GALNT1: variants seen among roughly 807,000 people sequenced by gnomAD.
GALNT1 encodes GalNAc transferase 1.
A neutral mutation model predicts 65.7 loss-of-function variants in GALNT1; 17 were observed. The ratio of observed to expected loss-of-function variants is 0.26; its 90% confidence interval spans 0.18 to 0.39. The LOEUF (loss-of-function observed/expected upper bound fraction) is 0.39. Among genes scored for constraint, GALNT1 ranks in the 10% least tolerant of loss-of-function variants. The pLI is 1.00. For missense variants in GALNT1, 460 were observed against 672.8 expected (o/e 0.68, Z 3.50); for synonymous variants, 210 against 219.7 (o/e 0.96, Z 0.39).
chr18:35,688,550 G>T (rs2047904758), intron 6 of GALNT1, among the ~76,000 whole-genome samples: 1 of 152,068 alleles, frequency 6.6e-6, no homozygotes, highest in South Asian at 2.1e-4. Context: ...CTATTTTGAT[G>T]AATTAGACTC....
At chr18:35,669,008 G>A (rs1044361969) in intron 3 of GALNT1, among the ~76,000 whole-genome samples, 3 of 152,220 alleles carry the variant, frequency 2.0e-5, no homozygotes, top group Admixed American at 2.0e-4. Flanking sequence ...ATGGGAGGCC[G>A]AGGTGGGCGG....
At chr18:35,640,352 C>A (rs1242763978) in intron 1 of GALNT1, among the ~76,000 whole-genome samples, 1 of 146,990 alleles carries the variant, frequency 6.8e-6, no homozygotes, top group African/African-American at 2.6e-5. Flanking sequence ...AATACCATTT[C>A]AGGTAGGAAA....
chr18:35,669,979 T>TA (rs1206075083), intron 3 of GALNT1, among the ~76,000 whole-genome samples: 1 of 152,124 alleles, frequency 6.6e-6, no homozygotes, highest in East Asian at 1.9e-4. Flanking sequence ...CCAAAAGAAT[T>TA]AGAGGATTAG....
At chr18:35,581,224 T>C (rs551264813), upstream of GALNT1, 70 of 151,874 alleles carry the variant, frequency 4.6e-4, no homozygotes, top group African/African-American at 1.7e-3. Flanking sequence ...CCGAGTTGTC[T>C]TTAACTTGCT....
intron 4 of GALNT1, among the ~76,000 whole-genome samples, chr18:35,678,824 A>C (rs944711572): frequency 6.6e-6 from 1 of 152,208 alleles, no homozygotes; most frequent in African/African-American, 2.4e-5. Context: ...GTCCACACTG[A>C]ATACATGCAT....
chr18:35,626,965 G>A (rs1476654869), intron 1 of GALNT1, among the ~76,000 whole-genome samples: 2 of 152,242 alleles, frequency 1.3e-5, no homozygotes, highest in African/African-American at 4.8e-5. Flanking sequence ...TTAGCTAGAG[G>A]AATAGAATGA....
chr18:35,597,232 C>T (rs2046516551), intron 1 of GALNT1: 1 of 152,064 alleles, frequency 6.6e-6, no homozygotes, highest in Admixed American at 6.5e-5. Context: ...CTGGATGTAC[C>T]AGGGGTGAGA....
chr18:35,619,582 G>A (rs2046826179), intron 1 of GALNT1, among the ~76,000 whole-genome samples: 1 of 152,150 alleles, frequency 6.6e-6, no homozygotes, highest in South Asian at 2.1e-4. Context: ...CATTTAGTCT[G>A]CAAATTGTTT....
chr18:35,666,950 A>G (rs2047557897), intron 3 of GALNT1, among the ~76,000 whole-genome samples: 1 of 152,204 alleles, frequency 6.6e-6, no homozygotes, highest in Non-Finnish European at 1.5e-5. Context: ...TTTTTAAAAA[A>G]AAAAAGTTTT....
At chr18:35,702,713 T>A in intron 9 of GALNT1, 184 bp from the exon 10 acceptor site, 1 of 383,410 alleles carries the variant, frequency 2.6e-6, no homozygotes, top group Non-Finnish European at 4.7e-6. Context: ...GAAAATTACA[T>A]AAACAGTTGT....
chr18:35,693,176 G>A (rs1441638610), intron 9 of GALNT1, among the ~76,000 whole-genome samples: 1 of 152,184 alleles, frequency 6.6e-6, no homozygotes, highest in East Asian at 1.9e-4. Context: ...AAAGAGTCCT[G>A]TCAAGGTGAT....
intron 1 of GALNT1, among the ~76,000 whole-genome samples, chr18:35,604,449 T>C (rs2046622113): frequency 2.0e-5 from 3 of 152,244 alleles, no homozygotes; most frequent in Admixed American, 2.0e-4. Flanking sequence ...GTAATGGGAT[T>C]GCTGGGTCAA....
At chr18:35,680,528 T>C (rs2047771902) in intron 4 of GALNT1, among the ~76,000 whole-genome samples, 1 of 152,220 alleles carries the variant, frequency 6.6e-6, no homozygotes, top group African/African-American at 2.4e-5. Flanking sequence ...TAGAATTATA[T>C]AATGAATGGG....
chr18:35,581,582 A>AGCGACGGC (rs1555644073), upstream of GALNT1, among the ~76,000 whole-genome samples: 2 of 137,440 alleles, frequency 1.5e-5, no homozygotes, highest in Non-Finnish European at 3.2e-5. Flanking sequence ...GTGAGCGGGC[A>AGCGACGGC]GGCGGCGCGC....
intron 1 of GALNT1, among the ~76,000 whole-genome samples, chr18:35,600,848 C>G (rs1300945625): frequency 2.0e-5 from 3 of 151,896 alleles, no homozygotes; most frequent in African/African-American, 7.3e-5. Flanking sequence ...CTAGCATTTT[C>G]TTGAGGATTT....
intron 1 of GALNT1, among the ~76,000 whole-genome samples, chr18:35,633,382 A>C (rs1470594710): frequency 6.6e-6 from 1 of 152,220 alleles, no homozygotes; most frequent in Non-Finnish European, 1.5e-5. Context: ...GGATGAGTTC[A>C]TGTCCTTTGT....
At chr18:35,597,921 A>C (rs775894432) in intron 1 of GALNT1, among the ~76,000 whole-genome samples, 4 of 151,094 alleles carry the variant, frequency 2.6e-5, no homozygotes, top group Non-Finnish European at 4.4e-5. Context: ...GCTGTTTTGA[A>C]TTATACAATA....
At chr18:35,581,442 C>A, upstream of GALNT1, 1 of 146,420 alleles carries the variant, frequency 6.8e-6, no homozygotes, top group South Asian at 1.9e-4. Context: ...GGGTGAGCGC[C>A]GGCGCCCCCG....
chr18:35,634,737 T>C (rs2047067205), intron 1 of GALNT1, among the ~76,000 whole-genome samples: 1 of 152,204 alleles, frequency 6.6e-6, no homozygotes, highest in South Asian at 2.1e-4. Context: ...ATACAAACAA[T>C]ACAATGTTGT....
Sources: gnomAD v4.1 joint callset for allele counts (sites outside exome capture counted in the v4.1 genomes callset) on GRCh38, gnomAD v4.1.1 for gene constraint, MANE v1.5 for transcripts, NCBI Gene and HGNC (gene_info 2026-07-23, HGNC 2026-07-21) for gene names.